SCAF4: variants seen among roughly 807,000 people sequenced by gnomAD.
SCAF4 encodes the protein SR-related and CTD-associated factor 4.
A neutral mutation model predicts 129.8 loss-of-function variants in SCAF4; 25 were observed. The observed-to-expected ratio is 0.19, with a 90% confidence interval of 0.14 to 0.27. The LOEUF is 0.27. Ranked by LOEUF, SCAF4 falls within the 10% of genes least tolerant of loss-of-function variation. The probability of loss-of-function intolerance (pLI) is 1.00; values close to 1 mark genes in which losing one functional copy is unlikely to be tolerated. For missense variants in SCAF4, 1,246 were observed against 1,457.1 expected, an observed-to-expected ratio of 0.86 and a Z score of 2.36; for synonymous variants, 551 against 497.7, an observed-to-expected ratio of 1.11 and a Z score of -1.43.
intron 9 of SCAF4, 51 bp downstream of exon 9, chr21:31,696,062 C>A: frequency 7.6e-7 from 1 of 1,324,126 alleles, no homozygotes; most frequent in Non-Finnish European, 1.1e-6. Context: ...GCAAACCATA[C>A]GCTCTATAAT....
At chr21:31,714,576 C>T (rs1193983536) in intron 1 of SCAF4, among the ~76,000 whole-genome samples, 1 of 152,080 alleles carries the variant, frequency 6.6e-6, no homozygotes, top group African/African-American at 2.4e-5. Flanking sequence ...ATCCCTCATA[C>T]CAGTAAAGAG....
At chr21:31,686,339 A>C (rs1334887617) in intron 16 of SCAF4, among the ~76,000 whole-genome samples, 1 of 152,162 alleles carries the variant, frequency 6.6e-6, no homozygotes, top group Admixed American at 6.5e-5. Context: ...ATACATTTTA[A>C]AATGTTCCAT....
At chr21:31,717,470 C>A (rs2050946188) in intron 1 of SCAF4, among the ~76,000 whole-genome samples, 1 of 151,984 alleles carries the variant, frequency 6.6e-6, no homozygotes, top group Non-Finnish European at 1.5e-5. Context: ...TAAATGAAAA[C>A]AATTAAATTC....
At chr21:31,702,589 T>C (rs903694121) in intron 4 of SCAF4, among the ~76,000 whole-genome samples, 2 of 152,132 alleles carry the variant, frequency 1.3e-5, no homozygotes, top group African/African-American at 4.8e-5. Context: ...GGAACAGAGA[T>C]GGACTATAGA....
In SCAF4 at chr21:31,728,593, C is replaced by T. The variant is rs894637580; in HGVS notation, c.30+3070G>A. ...TTATAATTTCTTGGAAAATCAGTTTCCTCATCTGTAATTGGACGTCTATGC... is the reference window on the plus strand; with the variant it reads ...TTATAATTTCTTGGAAAATCAGTTTTCTCATCTGTAATTGGACGTCTATGC... On this transcript the variant is annotated intron_variant, in intron 1 of 19. Transcript: ENST00000286835. Among the ~76,000 whole-genome samples the T allele has an allele frequency of 7.2e-5, 11 of 152,214 alleles. No homozygotes were observed. In the East Asian group the frequency reaches 1.9e-3, roughly 27 times the overall value.
rs1168111457 is a variant in SCAF4 at position 31,672,292 on chromosome 21, CAAG to C, written c.2548_2550del (p.Leu850del). 2.5e-6 allele frequency: 4 copies of C among 1,613,916 alleles called. No individual in the cohort carries two copies. The highest frequency in any genetic ancestry group is 2.5e-6 in the Non-Finnish European group (3 of 1,180,026). ...AGTGGGATGAGACCGGGCCGGGCGCCAAGAAGACCAGTAGATGGTGCCTGAAGT... is the reference window on the plus strand; with the variant it reads ...AGTGGGATGAGACCGGGCCGGGCGCCAAGACCAGTAGATGGTGCCTGAAGT... On this transcript the variant is annotated inframe_deletion, in exon 20 of 20. Coordinates refer to ENST00000286835, the MANE Select transcript of SCAF4 (RefSeq NM_020706.2).
At chr21:31,729,958 G>A (rs947868657) in intron 1 of SCAF4, among the ~76,000 whole-genome samples, 1 of 152,166 alleles carries the variant, frequency 6.6e-6, no homozygotes, top group African/African-American at 2.4e-5. Context: ...GAATACTTCT[G>A]ATCTTAAGAA....
rs573321459 is a variant in SCAF4, at chr21:31,712,614, C to T, written c.31-6257G>A. Among the ~76,000 whole-genome samples, 137 of 149,478 alleles carry T rather than the reference C, an allele frequency of 9.2e-4. 1 individual carries two copies. Among genetic ancestry groups the T allele is most frequent in the African/African-American group, 2.8e-3 (115 of 40,360 alleles). On this transcript the variant is annotated intron_variant, in intron 1 of 19. Transcript: ENST00000286835. The stretch of plus-strand genomic sequence containing the variant: ...CGCGATCTCGGCTCACTGCAACCTC[C>T]GCCTCCCCGGTTTAAGTGACTCTCC...
intron 1 of SCAF4, among the ~76,000 whole-genome samples, chr21:31,708,380 TAA>T (rs1189936689): frequency 2.9e-5 from 4 of 138,920 alleles, no homozygotes; most frequent in Non-Finnish European, 1.6e-5. Flanking sequence ...ACTCTGTCTT[TAA>T]AAAAAAAAAA....
chr21:31,702,382 G>A lies in SCAF4; in HGVS notation c.322-3C>T, dbSNP rs530112219. Reference sequence around the variant, plus strand: ...TTCAGCACACGAACTATTTTACTCTGTTACGCATGAGAAACACAAATATAC... The same window carrying A: ...TTCAGCACACGAACTATTTTACTCTATTACGCATGAGAAACACAAATATAC... On this transcript the variant is annotated splice_region_variant and splice_polypyrimidine_tract_variant and intron_variant, in intron 4 of 19. Transcript: ENST00000286835. 1.2e-6 allele frequency: 2 copies of A among 1,611,898 alleles called. No individual in the cohort carries two copies. Among genetic ancestry groups the A allele is most frequent in the African/African-American group, 1.3e-5 (1 of 74,862 alleles).
chr21:31,688,561 G>C (rs1423067303), intron 15 of SCAF4, 97 bp from the exon 16 acceptor site: 4 of 957,798 alleles, frequency 4.2e-6, no homozygotes, highest in Non-Finnish European at 6.4e-6. Flanking sequence ...ACCTAGCCCA[G>C]TTATTAAAGA....
In SCAF4 at chr21:31,717,878, C is replaced by T. The variant is rs1301588619; in HGVS notation, c.31-11521G>A. Among the ~76,000 whole-genome samples, 630 of 105,678 alleles carry T rather than the reference C, an allele frequency of 6.0e-3. 15 individuals are homozygous for T. Among genetic ancestry groups the T allele is most frequent in the African/African-American group, 0.027 (591 of 22,146 alleles). The allele number at this position is 105,678 out of a possible 152,430, so 69.3% of individuals were successfully genotyped here. ...ACACACACACACACACACATATACA[C>T]ATATATACACATATATACACATATA... On this transcript the variant is annotated intron_variant, in intron 1 of 19. Transcript: ENST00000286835.
chr21:31,692,587 C>T (rs1392726746), intron 12 of SCAF4, 138 bp from the exon 13 acceptor site: 1 of 551,126 alleles, frequency 1.8e-6, no homozygotes, highest in African/African-American at 1.9e-5. Flanking sequence ...ATCTCACATA[C>T]ATTTTAAAAA....
At chr21:31,723,448 G>A (rs561000484) in intron 1 of SCAF4, among the ~76,000 whole-genome samples, 11 of 148,002 alleles carry the variant, frequency 7.4e-5, no homozygotes, top group Non-Finnish European at 1.1e-4. Flanking sequence ...GCAACACTCC[G>A]TCTCAAAAAA....
At chr21:31,702,140 G>A in intron 5 of SCAF4, 104 bp downstream of exon 5, 1 of 1,489,638 alleles carries the variant, frequency 6.7e-7, no homozygotes, top group Non-Finnish European at 9.2e-7. Context: ...GTAAACTCAA[G>A]TTTCCTTCTT....
At chr21:31,687,518 T>C (rs17660708) in intron 16 of SCAF4, among the ~76,000 whole-genome samples, 5,192 of 152,278 alleles carry the variant, frequency 0.034, 131 homozygotes, top group Non-Finnish European at 0.047. Flanking sequence ...AAGTAACAGG[T>C]TGGCTGACTA....
chr21:31,718,472 T>A (rs78895163), intron 1 of SCAF4, among the ~76,000 whole-genome samples: 1 of 152,158 alleles, frequency 6.6e-6, no homozygotes, highest in Non-Finnish European at 1.5e-5. Flanking sequence ...AGCTTTTTCT[T>A]TTTGGTACAG....
intron 1 of SCAF4, among the ~76,000 whole-genome samples, chr21:31,715,491 G>C (rs890345659): frequency 1.3e-5 from 2 of 152,092 alleles, no homozygotes; most frequent in African/African-American, 4.8e-5. Context: ...AAAAAAATAG[G>C]GCTTAATTCA....
intron 19 of SCAF4, among the ~76,000 whole-genome samples, chr21:31,672,792 T>A (rs979201203): frequency 1.3e-4 from 20 of 152,178 alleles, no homozygotes; most frequent in African/African-American, 4.8e-4. Context: ...CCCGTCTTAT[T>A]ACTAGAAAAA....
Sources: allele counts gnomAD v4.1 joint callset (sites outside exome capture counted in the v4.1 genomes callset), GRCh38; gene constraint gnomAD v4.1.1; transcripts MANE v1.5; gene names NCBI Gene and HGNC (gene_info 2026-07-23, HGNC 2026-07-21).